PLCB1: variants seen among roughly 807,000 people sequenced by gnomAD.
The protein encoded by PLCB1 is phospholipase C beta 1, also known as 1-phosphatidylinositol 4,5-bisphosphate phosphodiesterase beta-1.
In PLCB1, 46 loss-of-function variants were observed where a neutral mutation model predicts 161.8. That is an observed-to-expected ratio of 0.28 (90% confidence interval 0.22 to 0.36). PLCB1 has a LOEUF of 0.36. Among genes scored for constraint, PLCB1 ranks in the 10% least tolerant of loss-of-function variants. The pLI is 1.00. For missense variants in PLCB1, 1,016 were observed against 1,472.5 expected, an observed-to-expected ratio of 0.69 and a Z score of 5.07; for synonymous variants, 517 against 503.7, an observed-to-expected ratio of 1.03 and a Z score of -0.35.
At chr20:8,473,608 C>T (rs983438228) in intron 3 of PLCB1, among the ~76,000 whole-genome samples, 5 of 152,124 alleles carry the variant, frequency 3.3e-5, no homozygotes, top group Admixed American at 6.5e-5. Context: ...GTATCAAGAC[C>T]GAGGTGCCTG....
intron 3 of PLCB1, among the ~76,000 whole-genome samples, chr20:8,382,128 G>A (rs1342806064): frequency 1.3e-5 from 2 of 152,052 alleles, no homozygotes; most frequent in Non-Finnish European, 1.5e-5. Context: ...CTCTAGCTGT[G>A]TCCCAGAGAT....
chr20:8,407,477 G>A (rs1228335002), intron 3 of PLCB1, among the ~76,000 whole-genome samples: 9 of 152,142 alleles, frequency 5.9e-5, no homozygotes, highest in Non-Finnish European at 1.2e-4. Context: ...GAATTATGCA[G>A]GAGGCAAAAG....
chr20:8,166,867 T>C (rs1248947316), intron 2 of PLCB1, among the ~76,000 whole-genome samples: 1 of 152,132 alleles, frequency 6.6e-6, no homozygotes, highest in African/African-American at 2.4e-5. Flanking sequence ...GGAACACATG[T>C]TTTCTCCCCA....
chr20:8,700,957 C>G (rs917477232), intron 11 of PLCB1, among the ~76,000 whole-genome samples: 1 of 152,176 alleles, frequency 6.6e-6, no homozygotes, highest in Non-Finnish European at 1.5e-5. Flanking sequence ...TGCTTTGCAT[C>G]AGGACTGAGA....
chr20:8,225,441 T>C (rs6118126), intron 2 of PLCB1, among the ~76,000 whole-genome samples: 1,852 of 152,332 alleles, frequency 0.012, 42 homozygotes, highest in African/African-American at 0.042. Context: ...AACAAACATC[T>C]TGCATATTTT....
chr20:8,484,389 T>C, intron 3 of PLCB1, among the ~76,000 whole-genome samples: 1 of 149,128 alleles, frequency 6.7e-6, no homozygotes. Context: ...TTAAATGGAG[T>C]CTCCCTCTGT....
chr20:8,860,006 G>A (rs987707894), intron 31 of PLCB1, among the ~76,000 whole-genome samples: 1 of 152,116 alleles, frequency 6.6e-6, no homozygotes, highest in Non-Finnish European at 1.5e-5. Flanking sequence ...AGCCTGATAG[G>A]AGAAGAGATT....
chr20:8,220,970 A>G (rs908393028), intron 2 of PLCB1, among the ~76,000 whole-genome samples: 2 of 152,156 alleles, frequency 1.3e-5, no homozygotes, highest in Non-Finnish European at 2.9e-5. Flanking sequence ...TGGGACACAG[A>G]TGAGATTATG....
intron 2 of PLCB1, among the ~76,000 whole-genome samples, chr20:8,358,013 A>G (rs1986418478): frequency 6.7e-6 from 1 of 149,128 alleles, no homozygotes; most frequent in Non-Finnish European, 1.5e-5. Context: ...TGTTGTCACA[A>G]CTGTCTTCAT....
intron 2 of PLCB1, among the ~76,000 whole-genome samples, chr20:8,296,954 A>AAAGTAGAAAAG (rs1341832836): frequency 2.6e-5 from 4 of 152,166 alleles, no homozygotes; most frequent in Admixed American, 2.6e-4. Flanking sequence ...TTTTCTACTC[A>AAAGTAGAAAAG]GTCGCAGCCT....
intron 2 of PLCB1, among the ~76,000 whole-genome samples, chr20:8,261,910 T>A (rs535912217): frequency 9.2e-5 from 14 of 152,184 alleles, no homozygotes; most frequent in Non-Finnish European, 1.6e-4. Flanking sequence ...ATCCAGACAT[T>A]GAGATCTAAT....
At position 8,199,793 on chromosome 20, in the gene PLCB1, T is replaced by C. The variant is rs932230377; in HGVS notation, c.177+49422T>C. Among the ~76,000 whole-genome samples the C allele has an allele frequency of 1.8e-4, 27 of 152,260 alleles. No homozygotes were observed. In the Middle Eastern group the frequency reaches 0.014, roughly 77 times the overall value. On this transcript the variant is annotated intron_variant, in intron 2 of 31. Coordinates refer to ENST00000338037, the MANE Select transcript of PLCB1 (RefSeq NM_015192.4). ...TTTGTACGTACTAATATTTAATATG[T>C]GATAATGCAACAAGTATTTGTGAAT... is the stretch of plus-strand genomic sequence containing the variant.
chr20:8,136,657 A>G (rs73078246), intron 1 of PLCB1, among the ~76,000 whole-genome samples: 7,833 of 152,106 alleles, frequency 0.051, 234 homozygotes, highest in South Asian at 0.13. Context: ...GTCCCTCAAA[A>G]ATAAGATGGA....
intron 10 of PLCB1, among the ~76,000 whole-genome samples, chr20:8,692,707 C>T (rs1264259548): frequency 2.0e-5 from 3 of 152,078 alleles, no homozygotes; most frequent in Non-Finnish European, 2.9e-5. Flanking sequence ...TTTTGGTCTC[C>T]TTATGGTTTC....
intron 3 of PLCB1, among the ~76,000 whole-genome samples, chr20:8,417,052 C>CATATATATATATATATT (rs1568667920): frequency 1.6e-5 from 1 of 63,146 alleles, no homozygotes; most frequent in Non-Finnish European, 2.9e-5. Flanking sequence ...CACACACACA[C>CATATATATATATATATT]ACATATATAT....
chr20:8,486,486 T>G (rs1982729536), intron 3 of PLCB1, among the ~76,000 whole-genome samples: 1 of 136,174 alleles, frequency 7.3e-6, no homozygotes, highest in African/African-American at 2.8e-5. Context: ...AAAATATTTT[T>G]TTTTTTTTTT....
chr20:8,267,346 C>T (rs2743174), intron 2 of PLCB1, among the ~76,000 whole-genome samples: 3 of 152,092 alleles, frequency 2.0e-5, no homozygotes, highest in Non-Finnish European at 2.9e-5. Context: ...CTGCCTTCTG[C>T]GGGGTAGCCT....
At chr20:8,665,469 A>G (rs890381364) in intron 9 of PLCB1, among the ~76,000 whole-genome samples, 10 of 152,182 alleles carry the variant, frequency 6.6e-5, no homozygotes, top group Admixed American at 6.5e-4. Context: ...GCTGTTTCTC[A>G]TCTAACAGCC....
Position 8,171,184 on chromosome 20 carries a change from G to A in PLCB1, c.177+20813G>A, listed in dbSNP as rs928049137. ...AACATTTTATAAATAACAAGAAAGA[G>A]TATGCTACTTTCAACAATATCATGT... On this transcript the variant is annotated intron_variant, in intron 2 of 31. Transcript: ENST00000338037. 2.6e-5 allele frequency among the ~76,000 whole-genome samples: 4 copies of A among 152,004 alleles called. No homozygotes were observed. The East Asian group carries it at 7.7e-4, about 29-fold the overall frequency.
Sources: gnomAD v4.1 joint callset for allele counts (sites outside exome capture counted in the v4.1 genomes callset) on GRCh38, gnomAD v4.1.1 for gene constraint, MANE v1.5 for transcripts, NCBI Gene and HGNC (gene_info 2026-07-23, HGNC 2026-07-21) for gene names.